STRN: variants seen among roughly 807,000 people sequenced by gnomAD.
STRN encodes striatin, also known as protein phosphatase 2 regulatory subunit B'''alpha.
A neutral mutation model predicts 96.3 loss-of-function variants in STRN; 53 were observed. That is an observed-to-expected ratio of 0.55 (90% CI 0.44 to 0.69). The LOEUF is 0.69. Among genes scored for constraint, STRN ranks in the 30% least tolerant of loss-of-function variants. The pLI is 0.00. For missense variants in STRN, 987 were observed against 963.9 expected (o/e 1.02, Z -0.32); for synonymous variants, 428 against 355.9 (o/e 1.20, Z -2.28).
intron 15 of STRN, among the ~76,000 whole-genome samples, chr2:36,854,103 T>C (rs1333264186): frequency 6.6e-6 from 1 of 152,226 alleles, no homozygotes; most frequent in Non-Finnish European, 1.5e-5. Flanking sequence ...CTGCAGTCAT[T>C]AAAAAGCACT....
At chr2:36,954,515 C>A (rs370597430) in intron 1 of STRN, among the ~76,000 whole-genome samples, 16,097 of 104,646 alleles carry the variant, frequency 0.15, 1,036 homozygotes, top group South Asian at 0.19. Context: ...CTGTCTCAAA[C>A]AGGGGAAAAA....
rs767063309 is a variant in STRN, at chr2:36,850,998, ACCTGTAT to A, written c.2081_2086+1del. On this transcript the variant is annotated splice_donor_variant and coding_sequence_variant, in exon 16 of 18. Transcript: ENST00000263918. LOFTEE classifies it high-confidence loss of function. ...AAAAATCAATTCTTAATAAATTCTT[ACCTGTAT>A]TGTTATCATAGAATTTGATGTGCCT... The A allele has an allele frequency of 6.4e-7, 1 of 1,568,110 alleles. No individual in the cohort carries two copies.
At chr2:36,877,708 TG>T (rs1423340483) in intron 10 of STRN, among the ~76,000 whole-genome samples, 182 bp downstream of exon 10, 1 of 152,178 alleles carries the variant, frequency 6.6e-6, no homozygotes, top group Non-Finnish European at 1.5e-5. Context: ...GCTAATTTTT[TG>T]TATTTTCTGT....
intron 1 of STRN, among the ~76,000 whole-genome samples, chr2:36,945,432 C>T (rs986206314): frequency 6.6e-6 from 1 of 152,178 alleles, no homozygotes; most frequent in African/African-American, 2.4e-5. Context: ...CTTTGGGAGG[C>T]CGCGGCAGGC....
At chr2:36,965,546 C>T (rs1665137239) in intron 1 of STRN, among the ~76,000 whole-genome samples, 1 of 152,142 alleles carries the variant, frequency 6.6e-6, no homozygotes, top group Non-Finnish European at 1.5e-5. Context: ...ATTCTGAGAA[C>T]AGGAACCACC....
chr2:36,905,602 T>G lies in STRN; in HGVS notation c.429A>C (p.Thr143=). The G allele has an allele frequency of 6.2e-7, 1 of 1,613,126 alleles. No homozygotes were observed. The change falls in exon 4 of 18, where the codon ACA becomes ACC. Residue 143 remains threonine, a synonymous_variant. Transcript: ENST00000263918. The stretch of plus-strand genomic sequence containing the variant: ...GGCTGTTTTGTTGTGGCTGCACTTC[T>G]GTTTCATTACCTTCATCTAGAAAAC... ...PSYDSDEGNE[T]EVQPQQNSQL...
chr2:36,903,439 C>G (rs1669740935), intron 4 of STRN, among the ~76,000 whole-genome samples: 1 of 152,152 alleles, frequency 6.6e-6, no homozygotes, highest in Non-Finnish European at 1.5e-5. Context: ...TTAAAACAGA[C>G]ACACCTAATA....
rs574001954 is a variant in STRN at position 36,951,276 on chromosome 2, G to C, written c.234+14954C>G. Among the ~76,000 whole-genome samples, 5 of 152,322 alleles carry C rather than the reference G, an allele frequency of 3.3e-5. No individual in the cohort carries two copies. In the East Asian group the frequency reaches 9.6e-4, roughly 29 times the overall value. ...TATACTCACAACTACCAAAACCCAA[G>C]TGCAATTTGCTACAACTAGCATCAA... On this transcript the variant is annotated intron_variant, in intron 1 of 17. Transcript: ENST00000263918.
chr2:36,899,617 A>G lies in STRN; in HGVS notation c.701T>C (p.Phe234Ser). 1 of 1,613,654 alleles carries G rather than the reference A, an allele frequency of 6.2e-7. No homozygotes were observed. The highest frequency in any genetic ancestry group is 8.5e-7 in the Non-Finnish European group (1 of 1,179,854). ...LTDSASVLDN[F>S]KFLESAAADF... ...TGCAGCTGCACTTTCAAGGAATTTGAAATTATCCAGCACGGAGGCAGAATC... is the reference window on the plus strand; with the variant it reads ...TGCAGCTGCACTTTCAAGGAATTTGGAATTATCCAGCACGGAGGCAGAATC... The change falls in exon 6 of 18, where the codon TTC (phenylalanine) becomes TCC (serine). Residue 234 changes from phenylalanine (F) to serine (S), a missense_variant. By Grantham distance (155) the Phe-to-Ser change is radical. Coordinates refer to ENST00000263918, the MANE Select transcript of STRN (RefSeq NM_003162.4).
intron 13 of STRN, among the ~76,000 whole-genome samples, chr2:36,859,393 T>C (rs1668423034): frequency 6.6e-6 from 1 of 152,060 alleles, no homozygotes; most frequent in Admixed American, 6.6e-5. Flanking sequence ...ACCAAAAAAC[T>C]AGGTAATTAG....
At chr2:36,927,536 G>GGT (rs1670447478) in intron 1 of STRN, among the ~76,000 whole-genome samples, 2 of 126,896 alleles carry the variant, frequency 1.6e-5, no homozygotes, top group African/African-American at 6.2e-5. Flanking sequence ...GGGGGGGGGG[G>GGT]TGGTAATCAG....
intron 3 of STRN, among the ~76,000 whole-genome samples, chr2:36,905,864 T>C (rs746640956): frequency 4.6e-5 from 7 of 152,222 alleles, no homozygotes; most frequent in Non-Finnish European, 8.8e-5. Context: ...ATTTTCCCTG[T>C]CTTTAACTAG....
At chr2:36,944,180 G>A (rs530188309) in intron 1 of STRN, among the ~76,000 whole-genome samples, 1 of 152,060 alleles carries the variant, frequency 6.6e-6, no homozygotes, top group Non-Finnish European at 1.5e-5. Context: ...ACAGACAGTT[G>A]AAAATACAGA....
rs141182217 is a variant in STRN at position 36,839,043 on chromosome 2, A to G, written c.*10413T>C. On this transcript the variant is annotated 3_prime_UTR_variant, in exon 18 of 18. Transcript: ENST00000263918. ...AGCATAATATGTAGAATAAAACCCCATATGTAATAACTGGGTATACACATT... is the reference window on the plus strand; with the variant it reads ...AGCATAATATGTAGAATAAAACCCCGTATGTAATAACTGGGTATACACATT... Among the ~76,000 whole-genome samples, 696 of 152,346 alleles carry G rather than the reference A, an allele frequency of 4.6e-3. 2 individuals carry two copies. Among genetic ancestry groups the G allele is most frequent in the Non-Finnish European group, 8.2e-3 (557 of 68,030 alleles).
chr2:36,876,051 T>C (rs1263258305), intron 10 of STRN, among the ~76,000 whole-genome samples: 2 of 152,124 alleles, frequency 1.3e-5, no homozygotes, highest in Non-Finnish European at 2.9e-5. Context: ...GGTGAACTGC[T>C]TGAGCTTAGG....
intron 2 of STRN, among the ~76,000 whole-genome samples, chr2:36,923,463 A>AAAAAC: frequency 6.6e-6 from 1 of 150,622 alleles, no homozygotes; most frequent in African/African-American, 2.4e-5. Flanking sequence ...AAAAAAAAAA[A>AAAAAC]ACAACTCACT....
chr2:36,894,193 T>C (rs1048227585), intron 6 of STRN, among the ~76,000 whole-genome samples, 160 bp from the exon 7 acceptor site: 2 of 152,218 alleles, frequency 1.3e-5, no homozygotes, highest in Non-Finnish European at 2.9e-5. Flanking sequence ...AATATGTACA[T>C]TATAAATTTT....
At chr2:36,914,775 T>C (rs978443892) in intron 3 of STRN, among the ~76,000 whole-genome samples, 8 of 152,232 alleles carry the variant, frequency 5.3e-5, no homozygotes, top group African/African-American at 7.2e-5. Flanking sequence ...TATTCTATCA[T>C]TACTTAATAT....
At chr2:36,930,706 G>C (rs948986809) in intron 1 of STRN, among the ~76,000 whole-genome samples, 2 of 151,946 alleles carry the variant, frequency 1.3e-5, no homozygotes, top group Non-Finnish European at 2.9e-5. Context: ...AAAACAAAAA[G>C]CAGGAAACAG....
Sources: allele counts gnomAD v4.1 joint callset (sites outside exome capture counted in the v4.1 genomes callset), GRCh38; gene constraint gnomAD v4.1.1; transcripts MANE v1.5; gene names NCBI Gene and HGNC (gene_info 2026-07-23, HGNC 2026-07-21).